RARB: variants seen among roughly 807,000 people sequenced by gnomAD.
The protein encoded by RARB is retinoic acid receptor beta, also known as HBV-activated protein.
A neutral mutation model predicts 51.9 loss-of-function variants in RARB; 17 were observed. That is an observed-to-expected ratio of 0.33 (90% CI 0.22 to 0.49). The LOEUF (loss-of-function observed/expected upper bound fraction) is 0.49. Ranked by LOEUF, RARB falls within the 20% of genes least tolerant of loss-of-function variation. The probability of loss-of-function intolerance (pLI) is 0.99; values close to 1 mark genes in which losing one functional copy is unlikely to be tolerated. For missense variants in RARB, 369 were observed against 550.8 expected, an observed-to-expected ratio of 0.67 and a Z score of 3.30; for synonymous variants, 215 against 195.4, an observed-to-expected ratio of 1.10 and a Z score of -0.84.
chr3:25,507,079 C>CT (rs1697643128), intron 3 of RARB, among the ~76,000 whole-genome samples: 1 of 152,264 alleles, frequency 6.6e-6, no homozygotes, highest in Non-Finnish European at 1.5e-5. Context: ...TCTCACAGTG[C>CT]TTCGCACAAA....
intron 1 of RARB, among the ~76,000 whole-genome samples, chr3:25,442,842 C>G (rs1479387217): frequency 6.6e-6 from 1 of 152,178 alleles, no homozygotes; most frequent in Admixed American, 6.5e-5. Flanking sequence ...CTGTAGCAAT[C>G]AAATCATGGA....
At chr3:25,409,787 A>C (rs189731735) in intron 5 of RARB, among the ~76,000 whole-genome samples, 81 of 152,292 alleles carry the variant, frequency 5.3e-4, no homozygotes, top group Non-Finnish European at 9.1e-4. Flanking sequence ...CCAAAATTTT[A>C]CCGCACATGT....
chr3:24,854,892 C>G (rs1184308601), intron 1 of RARB, among the ~76,000 whole-genome samples: 1 of 152,186 alleles, frequency 6.6e-6, no homozygotes, highest in African/African-American at 2.4e-5. Context: ...ACTGGCACCA[C>G]TAGCACGACC....
intron 2 of RARB, among the ~76,000 whole-genome samples, chr3:24,954,667 G>A (rs1196705044): frequency 1.3e-5 from 2 of 152,148 alleles, no homozygotes; most frequent in Non-Finnish European, 2.9e-5. Context: ...GAGAGGGAGA[G>A]AAGGGGGTGG....
intron 2 of RARB, among the ~76,000 whole-genome samples, chr3:24,969,548 G>C (rs575650177): frequency 2.0e-5 from 3 of 152,152 alleles, no homozygotes; most frequent in African/African-American, 7.2e-5. Context: ...TTTATGTGAG[G>C]TTATTCTGTC....
chr3:25,100,820 T>C (rs1463321453), intron 3 of RARB, among the ~76,000 whole-genome samples: 1 of 152,176 alleles, frequency 6.6e-6, no homozygotes, highest in Non-Finnish European at 1.5e-5. Context: ...ATTTAAGCCA[T>C]CTCTCACATG....
chr3:25,208,667 G>C lies in RARB; in HGVS notation c.178+34092G>C, dbSNP rs146003736. Among the ~76,000 whole-genome samples the C allele has an allele frequency of 2.3e-3, 349 of 152,108 alleles. 3 individuals carry two copies. Among genetic ancestry groups the C allele is most frequent in the African/African-American group, 8.0e-3 (331 of 41,486 alleles). On this transcript the variant is annotated intron_variant, in intron 5 of 11. Transcript: ENST00000383772. The stretch of plus-strand genomic sequence containing the variant: ...CACCATACATTTGGCCCAGCCCTCT[G>C]ACCTGACAATGCTGTCTCCTTTTGT...
chr3:25,284,979 A>G (rs1157554389), intron 5 of RARB, among the ~76,000 whole-genome samples: 3 of 152,182 alleles, frequency 2.0e-5, no homozygotes, highest in Non-Finnish European at 2.9e-5. Context: ...TCTGTGAGAT[A>G]GGTGCCCTGA....
At chr3:25,421,074 C>T (rs186514147) in intron 5 of RARB, among the ~76,000 whole-genome samples, 8 of 150,618 alleles carry the variant, frequency 5.3e-5, no homozygotes, top group Non-Finnish European at 1.2e-4. Flanking sequence ...GTGGGGCTTG[C>T]CAATTATTTC....
chr3:25,319,801 C>T (rs563955745), intron 5 of RARB, among the ~76,000 whole-genome samples: 1 of 152,170 alleles, frequency 6.6e-6, no homozygotes, highest in South Asian at 2.1e-4. Flanking sequence ...GGATTCTGTA[C>T]TGTGTGAGTT....
chr3:24,856,078 T>A (rs915312776), intron 1 of RARB, among the ~76,000 whole-genome samples: 4 of 152,126 alleles, frequency 2.6e-5, no homozygotes, highest in Non-Finnish European at 5.9e-5. Flanking sequence ...CAAGTTTTCC[T>A]AGGTGACTCT....
At chr3:24,989,063 T>G (rs1353150373) in intron 2 of RARB, among the ~76,000 whole-genome samples, 3 of 152,104 alleles carry the variant, frequency 2.0e-5, no homozygotes, top group African/African-American at 7.2e-5. Flanking sequence ...TGACCTTTGG[T>G]AATCTGCCTG....
intron 2 of RARB, among the ~76,000 whole-genome samples, chr3:24,999,317 AC>A (rs1447524230): frequency 6.6e-6 from 1 of 152,040 alleles, no homozygotes; most frequent in East Asian, 1.9e-4. Context: ...AACCCTTTCT[AC>A]CCCATACTTT....
At chr3:25,067,441 C>T (rs147851359) in intron 3 of RARB, among the ~76,000 whole-genome samples, 20 of 152,248 alleles carry the variant, frequency 1.3e-4, no homozygotes, top group African/African-American at 3.1e-4. Flanking sequence ...TGTTTTATGA[C>T]GTGATGCAGG....
intron 2 of RARB, among the ~76,000 whole-genome samples, chr3:25,005,960 C>A (rs1462096481): frequency 6.6e-6 from 1 of 152,088 alleles, no homozygotes; most frequent in Non-Finnish European, 1.5e-5. Context: ...CTTATATACT[C>A]CAGTTATACT....
intron 3 of RARB, among the ~76,000 whole-genome samples, chr3:25,506,169 C>G (rs112801134): frequency 0.055 from 7,918 of 143,940 alleles, 261 homozygotes; most frequent in Non-Finnish European, 0.078. Flanking sequence ...AGGAGAATCG[C>G]TTGAACTTGG....
chr3:25,241,395 A>G (rs2094335749), intron 5 of RARB, among the ~76,000 whole-genome samples: 2 of 152,130 alleles, frequency 1.3e-5, no homozygotes, highest in Non-Finnish European at 2.9e-5. Context: ...ACATGGAACC[A>G]TGTTGGTTTG....
At chr3:25,368,239 G>A (rs1706189074) in intron 5 of RARB, among the ~76,000 whole-genome samples, 1 of 152,122 alleles carries the variant, frequency 6.6e-6, no homozygotes, top group Admixed American at 6.6e-5. Context: ...TTGGTTAGCT[G>A]TTTTAATTAC....
chr3:25,115,899 G>A (rs1419359195), intron 3 of RARB, among the ~76,000 whole-genome samples: 1 of 152,066 alleles, frequency 6.6e-6, no homozygotes, highest in East Asian at 1.9e-4. Context: ...CCAAAGTGCT[G>A]GGGTTACAGG....
Sources: allele counts gnomAD v4.1 joint callset (sites outside exome capture counted in the v4.1 genomes callset), GRCh38; gene constraint gnomAD v4.1.1; transcripts MANE v1.5; gene names NCBI Gene and HGNC (gene_info 2026-07-23, HGNC 2026-07-21).